Variants in ACTR5 observed in about 807,000 individuals in gnomAD.
ACTR5 encodes actin related protein 5.
In ACTR5, 43 loss-of-function variants were observed where a neutral mutation model predicts 61.2. The ratio of observed to expected loss-of-function variants is 0.70; its 90% CI spans 0.55 to 0.91. The LOEUF is 0.91. Ranked by LOEUF, ACTR5 falls within the 40% of genes least tolerant of loss-of-function variation. The probability of loss-of-function intolerance (pLI) is 0.00; values close to 1 mark genes in which losing one functional copy is unlikely to be tolerated. For synonymous variants in ACTR5, 333 were observed against 310.5 expected, an observed-to-expected ratio of 1.07 and a Z score of -0.76; for missense variants, 798 against 782.2, an observed-to-expected ratio of 1.02 and a Z score of -0.24.
intron 3 of ACTR5, among the ~76,000 whole-genome samples, chr20:38,754,643 C>T (rs138383551): frequency 0.031 from 4,725 of 152,078 alleles, 107 homozygotes; most frequent in Admixed American, 0.076. Flanking sequence ...GGCGTGAACC[C>T]GGGAGGCAGA....
At chr20:38,749,025 G>A (rs2084370274) in intron 1 of ACTR5, among the ~76,000 whole-genome samples, 172 bp downstream of exon 1, 1 of 152,160 alleles carries the variant, frequency 6.6e-6, no homozygotes, top group Admixed American at 6.5e-5. Context: ...GCTGCTCCTT[G>A]TATCTTGGAG....
chr20:38,748,467 G>A lies in ACTR5; in HGVS notation c.-12G>A, dbSNP rs1033137845. 1.4e-6 allele frequency: 2 copies of A among 1,469,676 alleles called. No homozygotes were observed. The highest frequency in any genetic ancestry group is 1.8e-6 in the Non-Finnish European group (2 of 1,119,382). The allele number at this position is 1,469,676 out of a possible 1,614,324, so 91.0% of individuals were successfully genotyped here. A position where few individuals can be genotyped will look rare whatever the true frequency, so the allele number is the denominator to read the frequency against. ...ACTGCGCCGAGGGGCGGGGCTGGAC[G>A]CGCGCTCCAAGATGGCGGCGAACGT... On this transcript the variant is annotated 5_prime_UTR_variant, in exon 1 of 9. Transcript: ENST00000243903.
chr20:38,752,455 T>G (rs1226483751), intron 3 of ACTR5, among the ~76,000 whole-genome samples, 155 bp downstream of exon 3: 2 of 152,234 alleles, frequency 1.3e-5, no homozygotes, highest in Non-Finnish European at 2.9e-5. Context: ...ACTGATAACT[T>G]ATGTTGTATA....
intron 5 of ACTR5, chr20:38,761,503 G>A (rs758033505): frequency 6.6e-6 from 1 of 152,286 alleles, no homozygotes; most frequent in Non-Finnish European, 1.5e-5. Context: ...TTGAAACAAG[G>A]AAAGCTTGAA....
Position 38,771,639 on chromosome 20 carries a change from A to C in ACTR5, c.1647A>C (p.Glu549Asp). The change falls in exon 9 of 9, where the codon GAA (glutamate) becomes GAC (aspartate). Residue 549 changes from glutamate (E) to aspartate (D), a missense_variant. Transcript: ENST00000243903. ...DWALNHLDDN[E>D]VWITRKEYEE... ...CCTTGAACCACCTAGATGATAATGA[A>C]GTTTGGATCACCAGGAAAGAGTATG... 6.2e-7 allele frequency: 1 copy of C among 1,614,142 alleles called. No individual in the cohort carries two copies. The highest frequency in any genetic ancestry group is 1.1e-5 in the South Asian group (1 of 91,074).
rs116208166 is a variant in ACTR5, at chr20:38,762,691, C to G, written c.1177-2711C>G. 2.8e-3 allele frequency among the ~76,000 whole-genome samples: 426 copies of G among 152,216 alleles called. 2 individuals carry two copies. Among genetic ancestry groups the G allele is most frequent in the African/African-American group, 9.7e-3 (404 of 41,526 alleles). ...GGATGACGGCAAAAGTGATTGGATTCCAGGCTGGGTAGAGAAGGGCATGTG... is the reference window on the plus strand; with the variant it reads ...GGATGACGGCAAAAGTGATTGGATTGCAGGCTGGGTAGAGAAGGGCATGTG... On this transcript the variant is annotated intron_variant, in intron 5 of 8. Coordinates refer to ENST00000243903, the MANE Select transcript of ACTR5 (RefSeq NM_024855.4).
chr20:38,752,065 TC>T, intron 2 of ACTR5, 65 bp from the exon 3 acceptor site: 1 of 1,524,958 alleles, frequency 6.6e-7, no homozygotes, highest in East Asian at 2.3e-5. Flanking sequence ...ATCTTGTTTC[TC>T]CCAAGATGCT....
intron 5 of ACTR5, among the ~76,000 whole-genome samples, chr20:38,762,673 G>A (rs981882913): frequency 6.6e-6 from 1 of 152,182 alleles, no homozygotes; most frequent in Non-Finnish European, 1.5e-5. Flanking sequence ...GAGGGATGAC[G>A]GCAAAAGTGA....
chr20:38,763,358 C>G (rs2084465958), intron 5 of ACTR5, among the ~76,000 whole-genome samples: 1 of 152,210 alleles, frequency 6.6e-6, no homozygotes, highest in Admixed American at 6.5e-5. Flanking sequence ...AGCTGAGAGT[C>G]TTCCAGATCA....
intron 2 of ACTR5, 52 bp downstream of exon 2, chr20:38,750,291 CATTT>C (rs754685200): frequency 6.7e-6 from 10 of 1,483,690 alleles, no homozygotes; most frequent in South Asian, 2.3e-5. Flanking sequence ...ATTCAGGAAA[CATTT>C]ATTTACTGCG....
rs757088390 is a variant in ACTR5, at chr20:38,766,324, CAT to C, written c.1382_1383del (p.Ile461ArgfsTer78). 2 of 1,614,050 alleles carry C rather than the reference CAT, an allele frequency of 1.2e-6. No homozygotes were observed. Among genetic ancestry groups the C allele is most frequent in the Non-Finnish European group, 1.7e-6 (2 of 1,180,014 alleles). On this transcript the variant is annotated frameshift_variant, in exon 7 of 9. Coordinates refer to ENST00000243903, the MANE Select transcript of ACTR5 (RefSeq NM_024855.4). LOFTEE classifies it high-confidence loss of function. Reference sequence around the variant, plus strand: ...CAGAGATTATTTTCCAGCCATCTCTCATAGGAGAAGAACAGGCTGGGATTGCA... The same window carrying C: ...CAGAGATTATTTTCCAGCCATCTCTCAGGAGAAGAACAGGCTGGGATTGCA... ...APEIIFQPSL[I>X]GEEQAGIAET...
At chr20:38,749,258 G>A (rs1217461069) in intron 1 of ACTR5, among the ~76,000 whole-genome samples, 3 of 152,202 alleles carry the variant, frequency 2.0e-5, no homozygotes, top group African/African-American at 7.2e-5. Context: ...TGATAGGAGA[G>A]GAGGGAGTTA....
chr20:38,771,807 G>C lies in ACTR5; in HGVS notation c.1815G>C (p.Glu605Asp), dbSNP rs145297164. Reference protein sequence around the residue: ...GSAAGGGGAGEQA With the variant: ...GSAAGGGGAGDQA The stretch of plus-strand genomic sequence containing the variant: ...CTGCTGGTGGAGGTGGTGCTGGTGA[G>C]CAGGCATAGCAGAGGCCCTCCAGAG... Residue 605 changes from glutamate to aspartate, a missense_variant, in exon 9 of 9, where the codon GAG becomes GAC. Coordinates refer to ENST00000243903, the MANE Select transcript of ACTR5 (RefSeq NM_024855.4). 4.5e-5 allele frequency: 72 copies of C among 1,611,000 alleles called. No homozygotes were observed. In the Middle Eastern group the frequency reaches 1.6e-3, roughly 37 times the overall value.
At chr20:38,756,112 G>C in intron 5 of ACTR5, 73 bp downstream of exon 5, 1 of 1,463,970 alleles carries the variant, frequency 6.8e-7, no homozygotes, top group South Asian at 1.4e-5. Context: ...CATCAAAGGG[G>C]TTGTGCCCAG....
At position 38,748,769 on chromosome 20, in the gene ACTR5, C is replaced by T; in HGVS notation, c.291C>T (p.Pro97=). The change falls in exon 1 of 9, where the codon CCC becomes CCT. Residue 97 remains proline (P), a synonymous_variant. Transcript: ENST00000243903. ...CACTGCGCTGGATGCTGCGCTCGCC[C>T]TTCGACCGCAACGTGCCGGTCAACC... ...LEPLRWMLRS[P]FDRNVPVNLE... The T allele has an allele frequency of 6.2e-7, 1 of 1,606,042 alleles. No homozygotes were observed. Among genetic ancestry groups the T allele is most frequent in the Non-Finnish European group, 8.5e-7 (1 of 1,177,714 alleles).
chr20:38,752,018 T>C (rs768299757), intron 2 of ACTR5, 113 bp from the exon 3 acceptor site: 395 of 1,213,150 alleles, frequency 3.3e-4, no homozygotes, highest in Admixed American at 9.5e-4. Context: ...TTTGTATTTC[T>C]CCTGCTGGTC....
intron 5 of ACTR5, among the ~76,000 whole-genome samples, chr20:38,764,127 G>A (rs1302271335): frequency 6.6e-6 from 1 of 152,158 alleles, no homozygotes; most frequent in African/African-American, 2.4e-5. Flanking sequence ...CAGTATATAT[G>A]AGTAGGTTCT....
chr20:38,750,617 G>A (rs201296498), intron 2 of ACTR5, among the ~76,000 whole-genome samples: 1 of 136,810 alleles, frequency 7.3e-6, no homozygotes, highest in Non-Finnish European at 1.5e-5. Flanking sequence ...TTTTTTTTTT[G>A]TTTTTGTTTT....
At position 38,748,517 on chromosome 20, in the gene ACTR5, C is replaced by T. The variant is rs1480615374; in HGVS notation, c.39C>T (p.Ala13=). 2.7e-6 allele frequency: 4 copies of T among 1,500,052 alleles called. No homozygotes were observed. The highest frequency in any genetic ancestry group is 3.5e-6 in the Non-Finnish European group (4 of 1,130,518). 92.9% of individuals were successfully genotyped at this position (1,500,052 alleles called of 1,614,324 possible). ...ANVFPFRDAR[A]APDPVLEAGP... ...TGTTCCCGTTCCGCGACGCCCGTGC[C>T]GCACCGGACCCAGTGCTGGAGGCCG... The change falls in exon 1 of 9, where the codon GCC becomes GCT. Residue 13 remains alanine (A), a synonymous_variant. Coordinates refer to ENST00000243903, the MANE Select transcript of ACTR5 (RefSeq NM_024855.4).
Sources: allele counts gnomAD v4.1 joint callset (sites outside exome capture counted in the v4.1 genomes callset), GRCh38; gene constraint gnomAD v4.1.1; transcripts MANE v1.5; gene names NCBI Gene and HGNC (gene_info 2026-07-23, HGNC 2026-07-21).